Variants in ARFIP1 observed in about 807,000 individuals in gnomAD.
ARFIP1 encodes the protein ARF interacting protein 1, also known as arfaptin-1.
Under a neutral mutation model 42.5 loss-of-function variants are expected in ARFIP1, and 24 were observed. The observed-to-expected ratio is 0.57, with a 90% confidence interval of 0.41 to 0.80. ARFIP1 has a LOEUF of 0.80. Ranked by LOEUF, ARFIP1 falls within the 30% of genes least tolerant of loss-of-function variation. The probability of loss-of-function intolerance (pLI) is 0.00; values close to 1 mark genes in which losing one functional copy is unlikely to be tolerated. For missense variants in ARFIP1, 354 were observed against 434.0 expected (o/e 0.82, Z 1.64); for synonymous variants, 141 against 153.7 (o/e 0.92, Z 0.61).
At chr4:152,816,490 C>CA (rs1283221224) in intron 1 of ARFIP1, among the ~76,000 whole-genome samples, 3 of 152,236 alleles carry the variant, frequency 2.0e-5, no homozygotes, top group African/African-American at 7.2e-5. Flanking sequence ...CTTACTCCCT[C>CA]ACTTTATTCA....
chr4:152,874,798 G>A (rs913901708), intron 5 of ARFIP1, among the ~76,000 whole-genome samples: 1 of 152,060 alleles, frequency 6.6e-6, no homozygotes, highest in Non-Finnish European at 1.5e-5. Flanking sequence ...CTGAGCAGCT[G>A]GGATACAGGC....
intron 1 of ARFIP1, among the ~76,000 whole-genome samples, chr4:152,802,136 A>T (rs371802568): frequency 9.8e-5 from 15 of 152,326 alleles, no homozygotes; most frequent in East Asian, 7.7e-4. Flanking sequence ...TGAATTTAAT[A>T]GAATTACTTT....
At chr4:152,900,082 T>C (rs1579040975) in intron 8 of ARFIP1, among the ~76,000 whole-genome samples, 1 of 151,742 alleles carries the variant, frequency 6.6e-6, no homozygotes, top group Non-Finnish European at 1.5e-5. Context: ...ACAGAAGCTA[T>C]ATTGATCACG....
At chr4:152,803,767 G>T (rs1463688873) in intron 1 of ARFIP1, among the ~76,000 whole-genome samples, 1 of 151,786 alleles carries the variant, frequency 6.6e-6, no homozygotes, top group Non-Finnish European at 1.5e-5. Context: ...GGGATTAGCA[G>T]AAGACAGCCC....
intron 1 of ARFIP1, among the ~76,000 whole-genome samples, chr4:152,817,213 G>A (rs1225257911): frequency 6.6e-6 from 1 of 152,144 alleles, no homozygotes; most frequent in Admixed American, 6.5e-5. Context: ...TTCCTAATTA[G>A]AGTCCAAATA....
intron 8 of ARFIP1, among the ~76,000 whole-genome samples, chr4:152,904,811 T>G (rs1212963959): frequency 1.3e-5 from 2 of 152,200 alleles, no homozygotes; most frequent in African/African-American, 2.4e-5. Context: ...GCATTTGGGT[T>G]GATTCCATGT....
At chr4:152,890,889 C>G (rs1472946082) in intron 8 of ARFIP1, among the ~76,000 whole-genome samples, 2 of 152,100 alleles carry the variant, frequency 1.3e-5, no homozygotes, top group African/African-American at 2.4e-5. Context: ...ATTTTATGTT[C>G]TTAGATGATG....
chr4:152,875,378 TA>T (rs11302481), intron 5 of ARFIP1, among the ~76,000 whole-genome samples: 28,404 of 100,084 alleles, frequency 0.28, 3,468 homozygotes, highest in African/African-American at 0.42. Context: ...TCTTTTTTTA[TA>T]AAAAAAAAAA....
intron 2 of ARFIP1, among the ~76,000 whole-genome samples, chr4:152,846,704 C>T (rs991666391): frequency 2.6e-5 from 4 of 152,084 alleles, no homozygotes; most frequent in African/African-American, 9.7e-5. Flanking sequence ...GAAGAGATCT[C>T]ATATGTAAAA....
intron 1 of ARFIP1, among the ~76,000 whole-genome samples, chr4:152,786,123 AAAGTCT>A (rs1730790352): frequency 6.6e-6 from 1 of 152,218 alleles, no homozygotes; most frequent in East Asian, 1.9e-4. Context: ...CCAGATGGTC[AAAGTCT>A]AAGTCTAACA....
At chr4:152,787,349 A>G (rs1031177512) in intron 1 of ARFIP1, among the ~76,000 whole-genome samples, 3 of 152,250 alleles carry the variant, frequency 2.0e-5, no homozygotes, top group Admixed American at 2.0e-4. Flanking sequence ...ACATGATGCT[A>G]CAAGTACATA....
At chr4:152,799,515 A>G (rs1731672972) in intron 1 of ARFIP1, among the ~76,000 whole-genome samples, 1 of 152,220 alleles carries the variant, frequency 6.6e-6, no homozygotes, top group Non-Finnish European at 1.5e-5. Flanking sequence ...GAGCTGGATT[A>G]TTTATGTTTA....
chr4:152,820,767 A>G (rs183282084), intron 1 of ARFIP1, among the ~76,000 whole-genome samples: 1 of 152,162 alleles, frequency 6.6e-6, no homozygotes, highest in African/African-American at 2.4e-5. Context: ...TCAACATGAG[A>G]TTTGGGCAGG....
intron 1 of ARFIP1, 142 bp from the exon 2 acceptor site, chr4:152,829,483 T>G (rs1731099441): frequency 4.1e-6 from 2 of 488,696 alleles, no homozygotes; most frequent in Non-Finnish European, 7.2e-6. Flanking sequence ...AAATTATATA[T>G]GTATTCTGTT....
intron 1 of ARFIP1, among the ~76,000 whole-genome samples, chr4:152,825,950 G>C (rs188656635): frequency 6.6e-6 from 1 of 151,936 alleles, no homozygotes; most frequent in East Asian, 1.9e-4. Context: ...TAAAACCACC[G>C]TGAGATACCA....
At chr4:152,873,638 A>G (rs1278050026) in intron 5 of ARFIP1, among the ~76,000 whole-genome samples, 1 of 152,156 alleles carries the variant, frequency 6.6e-6, no homozygotes, top group East Asian at 1.9e-4. Flanking sequence ...GTTAAGTCCT[A>G]TGCATTCTGC....
chr4:152,858,467 A>G (rs182450720), intron 2 of ARFIP1, among the ~76,000 whole-genome samples: 143 of 152,218 alleles, frequency 9.4e-4, no homozygotes, highest in African/African-American at 3.3e-3. Flanking sequence ...CTTGTCTCCA[A>G]TGAGATGGCA....
chr4:152,885,513 C>G (rs973415140), intron 7 of ARFIP1, among the ~76,000 whole-genome samples: 1 of 151,868 alleles, frequency 6.6e-6, no homozygotes, highest in African/African-American at 2.4e-5. Context: ...GATACGGACT[C>G]AGTTCAGACG....
intron 1 of ARFIP1, among the ~76,000 whole-genome samples, chr4:152,802,040 A>G (rs1169344071): frequency 6.6e-6 from 1 of 152,190 alleles, no homozygotes; most frequent in Non-Finnish European, 1.5e-5. Flanking sequence ...ATGTTGAATT[A>G]CCACATTGTA....
Sources: gnomAD v4.1 joint callset for allele counts (sites outside exome capture counted in the v4.1 genomes callset) on GRCh38, gnomAD v4.1.1 for gene constraint, MANE v1.5 for transcripts, NCBI Gene and HGNC (gene_info 2026-07-23, HGNC 2026-07-21) for gene names.